Variants in UNC5B observed in about 807,000 individuals in gnomAD.
UNC5B encodes the protein netrin receptor UNC5B.
UNC5B carries 56 observed loss-of-function variants against 103.7 expected under a neutral mutation model. That is an observed-to-expected ratio of 0.54 (90% CI 0.44 to 0.67). The LOEUF (loss-of-function observed/expected upper bound fraction) is 0.67. Ranked by LOEUF, UNC5B falls within the 30% of genes least tolerant of loss-of-function variation. UNC5B has a pLI of 0.00. For synonymous variants in UNC5B, 577 were observed against 542.0 expected, an observed-to-expected ratio of 1.06 and a Z score of -0.90; for missense variants, 1,194 against 1,284.5, an observed-to-expected ratio of 0.93 and a Z score of 1.08.
intron 2 of UNC5B, among the ~76,000 whole-genome samples, 194 bp from the exon 3 acceptor site, chr10:71,284,526 G>A (rs575676007): frequency 6.6e-6 from 1 of 152,324 alleles, no homozygotes; most frequent in African/African-American, 2.4e-5. Context: ...CAGAGGGCTT[G>A]TGTTAGCCAC....
At chr10:71,245,692 G>A (rs972867705) in intron 1 of UNC5B, among the ~76,000 whole-genome samples, 1 of 152,340 alleles carries the variant, frequency 6.6e-6, no homozygotes, top group Non-Finnish European at 1.5e-5. Context: ...TCCTAGATCT[G>A]CTCTGTGGGC....
In UNC5B at chr10:71,295,977, T is replaced by C; in HGVS notation, c.2325+17T>C. On this transcript the variant is annotated intron_variant, in intron 14 of 16. Transcript: ENST00000335350. Reference sequence around the variant, plus strand: ...AAATACCAGGTGAGGGCTGGGCTGATGGATGGGGAGGGGCACCACTTAAGG... The same window carrying C: ...AAATACCAGGTGAGGGCTGGGCTGACGGATGGGGAGGGGCACCACTTAAGG... 1 of 1,612,376 alleles carries C rather than the reference T, an allele frequency of 6.2e-7. No homozygotes were observed. Among genetic ancestry groups the C allele is most frequent in the Non-Finnish European group, 8.5e-7 (1 of 1,179,960 alleles).
intron 9 of UNC5B, 107 bp downstream of exon 9, chr10:71,291,216 C>G: frequency 7.0e-7 from 1 of 1,430,960 alleles, no homozygotes; most frequent in Non-Finnish European, 9.5e-7. Flanking sequence ...CAGGGTTTTT[C>G]CAGAGTTTGC....
chr10:71,247,357 G>C (rs1844060333), intron 1 of UNC5B, among the ~76,000 whole-genome samples: 1 of 152,224 alleles, frequency 6.6e-6, no homozygotes, highest in Non-Finnish European at 1.5e-5. Context: ...TGTACAGAGA[G>C]GGCCATGGCT....
rs3059586 is a variant in UNC5B, at chr10:71,269,343, TC to T, written c.80-10469del. Among the ~76,000 whole-genome samples, 204 of 130,444 alleles carry T rather than the reference TC, an allele frequency of 1.6e-3. 2 individuals are homozygous for T. Among genetic ancestry groups the T allele is most frequent in the African/African-American group, 5.3e-3 (191 of 36,126 alleles). The allele number at this position is 130,444 out of a possible 152,430, so 85.6% of individuals were successfully genotyped here. On this transcript the variant is annotated intron_variant, in intron 1 of 16. Coordinates refer to ENST00000335350, the MANE Select transcript of UNC5B (RefSeq NM_170744.5). Reference sequence around the variant, plus strand: ...AAAAAAAAAGTTTAGAAAAATGAAGTCCCCCCCCCACAACTTCTCCTTTCCT... The same window carrying T: ...AAAAAAAAAGTTTAGAAAAATGAAGTCCCCCCCCACAACTTCTCCTTTCCT...
chr10:71,299,998 C>A lies in UNC5B; in HGVS notation c.*721C>A. The A allele has an allele frequency of 6.6e-6, 1 of 151,954 alleles. No individual in the cohort carries two copies. Among genetic ancestry groups the A allele is most frequent in the Non-Finnish European group, 1.5e-5 (1 of 68,066 alleles). 9.4% of individuals were successfully genotyped at this position (151,954 alleles called of 1,614,324 possible). A position where few individuals can be genotyped will look rare whatever the true frequency, so the allele number is the denominator to read the frequency against. On this transcript the variant is annotated 3_prime_UTR_variant, in exon 17 of 17. Transcript: ENST00000335350. Reference sequence around the variant, plus strand: ...TCTTGAGTGTGGATGAGAATGGGCACGCTCACACTTCTGGCCAGGAGTGAA... The same window carrying A: ...TCTTGAGTGTGGATGAGAATGGGCAAGCTCACACTTCTGGCCAGGAGTGAA...
At chr10:71,277,874 C>T (rs1164282388) in intron 1 of UNC5B, among the ~76,000 whole-genome samples, 2 of 152,188 alleles carry the variant, frequency 1.3e-5, no homozygotes, top group African/African-American at 4.8e-5. Flanking sequence ...CCTTGCAGGT[C>T]CCTTGATGAG....
rs763138831 is a variant in UNC5B, at chr10:71,212,950, C to T, written c.-36C>T. 1.5e-6 allele frequency: 2 copies of T among 1,307,694 alleles called. No homozygotes were observed. Among genetic ancestry groups the T allele is most frequent in the Admixed American group, 3.7e-5 (1 of 27,124 alleles). 81.0% of individuals were successfully genotyped at this position (1,307,694 alleles called of 1,614,324 possible). On this transcript the variant is annotated 5_prime_UTR_variant, in exon 1 of 17. Coordinates refer to ENST00000335350, the MANE Select transcript of UNC5B (RefSeq NM_170744.5). ...GCGAGACTGGGGCCAGGGAGACAGC[C>T]CTGGGGGAGAGGCGCCCGAACCAGG...
chr10:71,285,205 G>T (rs1845040142), intron 3 of UNC5B, 121 bp from the exon 4 acceptor site: 2 of 1,060,138 alleles, frequency 1.9e-6, no homozygotes, highest in Admixed American at 2.1e-5. Flanking sequence ...CCAGGCAAAG[G>T]CCAGGTGGGC....
At chr10:71,237,147 G>A (rs1843790549) in intron 1 of UNC5B, among the ~76,000 whole-genome samples, 1 of 152,194 alleles carries the variant, frequency 6.6e-6, no homozygotes, top group Non-Finnish European at 1.5e-5. Flanking sequence ...AAAGGCCACA[G>A]AGCCTGTGAG....
chr10:71,232,825 A>T (rs1175843197), intron 1 of UNC5B, among the ~76,000 whole-genome samples: 1 of 152,220 alleles, frequency 6.6e-6, no homozygotes, highest in Admixed American at 6.5e-5. Context: ...AACCAATTCC[A>T]GTAGGATGGG....
At chr10:71,251,363 T>C (rs1331463374) in intron 1 of UNC5B, among the ~76,000 whole-genome samples, 1 of 152,188 alleles carries the variant, frequency 6.6e-6, no homozygotes, top group Non-Finnish European at 1.5e-5. Context: ...TTTTAAACTT[T>C]CACCTTTTGA....
chr10:71,276,746 G>A (rs1222140330), intron 1 of UNC5B, among the ~76,000 whole-genome samples: 2 of 152,168 alleles, frequency 1.3e-5, no homozygotes, highest in Non-Finnish European at 2.9e-5. Flanking sequence ...CTCCCTTACT[G>A]AAGTTGCATT....
rs1845600420 is a variant in UNC5B, at chr10:71,302,332, G to A, written c.*3055G>A. 1 of 152,206 alleles carries A rather than the reference G, an allele frequency of 6.6e-6. No homozygotes were observed. The highest frequency in any genetic ancestry group is 2.1e-4 in the South Asian group (1 of 4,826). The allele number at this position is 152,206 out of a possible 1,614,324, so 9.4% of individuals were successfully genotyped here. A position where few individuals can be genotyped will look rare whatever the true frequency, so the allele number is the denominator to read the frequency against. On this transcript the variant is annotated 3_prime_UTR_variant, in exon 17 of 17. Transcript: ENST00000335350. ...CTGTGGGCACATCAGGATGCCCCTC[G>A]GAGAGCATGTGCACGTGTCCCCACC...
chr10:71,294,933 G>T (rs1845367950), intron 13 of UNC5B, among the ~76,000 whole-genome samples: 1 of 152,166 alleles, frequency 6.6e-6, no homozygotes, highest in Non-Finnish European at 1.5e-5. Context: ...AACCCTGGAA[G>T]CATACAGACA....
rs984013186 is a variant in UNC5B, at chr10:71,257,087, G to A, written c.80-22734G>A. Among the ~76,000 whole-genome samples, 5 of 152,260 alleles carry A rather than the reference G, an allele frequency of 3.3e-5. No homozygotes were observed. The East Asian group carries it at 5.8e-4, about 18-fold the overall frequency. On this transcript the variant is annotated intron_variant, in intron 1 of 16. Coordinates refer to ENST00000335350, the MANE Select transcript of UNC5B (RefSeq NM_170744.5). Reference sequence around the variant, plus strand: ...TGCAGCAGCTGGCATCGACCCTCCTGGTAAGGGAGGGTTAAGGGGGACCTG... The same window carrying A: ...TGCAGCAGCTGGCATCGACCCTCCTAGTAAGGGAGGGTTAAGGGGGACCTG...
intron 1 of UNC5B, among the ~76,000 whole-genome samples, chr10:71,257,198 G>A (rs375844198): frequency 6.8e-4 from 104 of 152,274 alleles, no homozygotes; most frequent in African/African-American, 2.2e-3. Flanking sequence ...GAGCACCCCC[G>A]GATCCCACCT....
At chr10:71,236,621 C>T (rs1843780649) in intron 1 of UNC5B, among the ~76,000 whole-genome samples, 4 of 152,286 alleles carry the variant, frequency 2.6e-5, no homozygotes, top group Non-Finnish European at 4.4e-5. Context: ...CCACACTGAC[C>T]GGCAGTGGCC....
chr10:71,214,118 G>A (rs1843287222), intron 1 of UNC5B, among the ~76,000 whole-genome samples: 1 of 152,154 alleles, frequency 6.6e-6, no homozygotes, highest in Non-Finnish European at 1.5e-5. Flanking sequence ...GGAGCCAGGT[G>A]GGGACGGGGC....
Sources: gnomAD v4.1 joint callset for allele counts (sites outside exome capture counted in the v4.1 genomes callset) on GRCh38, gnomAD v4.1.1 for gene constraint, MANE v1.5 for transcripts, NCBI Gene and HGNC (gene_info 2026-07-23, HGNC 2026-07-21) for gene names.